The following EEPD1 variants were observed in gnomAD, a reference collection of about 807,000 sequenced individuals.
The protein encoded by EEPD1 is endonuclease/exonuclease/phosphatase family domain containing 1.
EEPD1 carries 17 observed loss-of-function variants against 46.3 expected under a neutral mutation model. The ratio of observed to expected loss-of-function variants is 0.37; its 90% CI spans 0.25 to 0.55. The LOEUF (loss-of-function observed/expected upper bound fraction) is 0.55. Among genes scored for constraint, EEPD1 ranks in the 20% least tolerant of loss-of-function variants. The probability of loss-of-function intolerance (pLI) is 0.83; values close to 1 mark genes in which losing one functional copy is unlikely to be tolerated. For missense variants in EEPD1, 673 were observed against 745.6 expected (o/e 0.90, Z 1.13); for synonymous variants, 313 against 315.6 (o/e 0.99, Z 0.09).
At chr7:36,166,742 A>G (rs891956375) in intron 2 of EEPD1, among the ~76,000 whole-genome samples, 3 of 152,234 alleles carry the variant, frequency 2.0e-5, no homozygotes, top group South Asian at 4.1e-4. Flanking sequence ...TTAAGATTAT[A>G]TATTTAAATA....
chr7:36,285,344 A>G (rs1787327325), intron 5 of EEPD1, among the ~76,000 whole-genome samples: 1 of 152,088 alleles, frequency 6.6e-6, no homozygotes, highest in African/African-American at 2.4e-5. Flanking sequence ...CTTTATTACC[A>G]GGGAGAAAGG....
intron 2 of EEPD1, among the ~76,000 whole-genome samples, chr7:36,156,832 G>A (rs572290379): frequency 6.6e-6 from 1 of 152,294 alleles, no homozygotes; most frequent in East Asian, 1.9e-4. Context: ...TAGGTGTTAG[G>A]CAATCAGCTG....
At chr7:36,245,398 A>G (rs1247653384) in intron 3 of EEPD1, among the ~76,000 whole-genome samples, 2 of 152,134 alleles carry the variant, frequency 1.3e-5, no homozygotes, top group Non-Finnish European at 2.9e-5. Context: ...CCATCAAATC[A>G]CGTGTTCTGG....
chr7:36,196,781 G>C (rs923170213), intron 2 of EEPD1, among the ~76,000 whole-genome samples: 1 of 152,312 alleles, frequency 6.6e-6, no homozygotes, highest in East Asian at 1.9e-4. Context: ...CCTCCCAGCC[G>C]CCTGCCTTGG....
At chr7:36,287,389 C>T (rs370917919) in intron 5 of EEPD1, among the ~76,000 whole-genome samples, 1 of 151,942 alleles carries the variant, frequency 6.6e-6, no homozygotes, top group Non-Finnish European at 1.5e-5. Flanking sequence ...ATCTTTTAGG[C>T]TCTAAGTGAG....
rs925843198 is a variant in EEPD1 at position 36,301,423 on chromosome 7, C to T, written c.*2217C>T. 3 of 152,172 alleles carry T rather than the reference C, an allele frequency of 2.0e-5. No individual in the cohort carries two copies. The South Asian group carries it at 6.2e-4, about 31-fold the overall frequency. 9.4% of individuals were successfully genotyped at this position (152,172 alleles called of 1,614,324 possible). A position where few individuals can be genotyped will look rare whatever the true frequency, so the allele number is the denominator to read the frequency against. On this transcript the variant is annotated 3_prime_UTR_variant, in exon 8 of 8. Coordinates refer to ENST00000242108, the MANE Select transcript of EEPD1 (RefSeq NM_030636.3). ...ATCCCTCCTCTTCTTTGCATATTTC[C>T]CCCTCTAATTAGCATGTTGCATTAG... is the stretch of plus-strand genomic sequence containing the variant.
chr7:36,271,720 C>CTTCGAGGGTTTTT (rs60503175), intron 3 of EEPD1, among the ~76,000 whole-genome samples: 1 of 55,332 alleles, frequency 1.8e-5, no homozygotes, highest in Non-Finnish European at 4.0e-5. Flanking sequence ...CCTAGGTTTT[C>CTTCGAGGGTTTTT]ATGGTTTTAG....
intron 2 of EEPD1, among the ~76,000 whole-genome samples, chr7:36,216,761 G>A (rs1786035612): frequency 6.6e-6 from 1 of 152,162 alleles, no homozygotes; most frequent in South Asian, 2.1e-4. Flanking sequence ...GAGGTCATAT[G>A]ACAATGAATA....
At chr7:36,233,584 C>T (rs1786375180) in intron 2 of EEPD1, among the ~76,000 whole-genome samples, 3 of 152,078 alleles carry the variant, frequency 2.0e-5, no homozygotes, top group Admixed American at 2.0e-4. Context: ...AAAAGCACCC[C>T]GATATACTCA....
At chr7:36,158,414 CAAAGGG>C (rs1249173182) in intron 2 of EEPD1, among the ~76,000 whole-genome samples, 1 of 152,182 alleles carries the variant, frequency 6.6e-6, no homozygotes, top group Non-Finnish European at 1.5e-5. Context: ...AGTTCCTTTG[CAAAGGG>C]AATAGCTGGC....
intron 2 of EEPD1, among the ~76,000 whole-genome samples, chr7:36,223,126 G>T (rs1218483499): frequency 6.6e-6 from 1 of 151,442 alleles, no homozygotes; most frequent in East Asian, 1.9e-4. Flanking sequence ...ACTCCAACCT[G>T]GGCGACAGAG....
At chr7:36,222,021 G>A (rs1013168110) in intron 2 of EEPD1, among the ~76,000 whole-genome samples, 7 of 152,086 alleles carry the variant, frequency 4.6e-5, no homozygotes, top group African/African-American at 1.4e-4. Flanking sequence ...ATTATATAGT[G>A]GCATTTATTT....
intron 3 of EEPD1, among the ~76,000 whole-genome samples, chr7:36,240,071 C>A (rs573301414): frequency 6.6e-6 from 1 of 152,244 alleles, no homozygotes; most frequent in South Asian, 2.1e-4. Context: ...GAGTTTGAGA[C>A]CAGCCTGGGC....
At chr7:36,198,937 G>C (rs967449157) in intron 2 of EEPD1, among the ~76,000 whole-genome samples, 1 of 152,022 alleles carries the variant, frequency 6.6e-6, no homozygotes, top group Non-Finnish European at 1.5e-5. Flanking sequence ...TAGATATGCA[G>C]ACAGCCCTCT....
chr7:36,211,308 A>G (rs1240542447), intron 2 of EEPD1, among the ~76,000 whole-genome samples: 1 of 152,238 alleles, frequency 6.6e-6, no homozygotes, highest in Non-Finnish European at 1.5e-5. Context: ...GTGTCTGAGT[A>G]GAGATACAGA....
chr7:36,245,041 G>A (rs555819120), intron 3 of EEPD1, among the ~76,000 whole-genome samples: 203 of 152,086 alleles, frequency 1.3e-3, no homozygotes, highest in African/African-American at 4.8e-3. Context: ...CACCTCCCAG[G>A]TGCAAGCAAT....
At chr7:36,198,362 AG>A (rs1785650149) in intron 2 of EEPD1, among the ~76,000 whole-genome samples, 2 of 135,764 alleles carry the variant, frequency 1.5e-5, no homozygotes, top group South Asian at 2.4e-4. Flanking sequence ...AAAAAAAGAA[AG>A]ATATTTTCCT....
At chr7:36,231,639 G>GT (rs1483171843) in intron 2 of EEPD1, among the ~76,000 whole-genome samples, 1 of 152,176 alleles carries the variant, frequency 6.6e-6, no homozygotes, top group Non-Finnish European at 1.5e-5. Context: ...GGAACTGTGT[G>GT]TTCATCTTGT....
intron 2 of EEPD1, among the ~76,000 whole-genome samples, chr7:36,212,736 CAT>C (rs1785957366): frequency 6.6e-6 from 1 of 151,636 alleles, no homozygotes; most frequent in Non-Finnish European, 1.5e-5. Context: ...CACAAAGACA[CAT>C]GTACATGTAG....
Sources: allele counts gnomAD v4.1 joint callset (sites outside exome capture counted in the v4.1 genomes callset), GRCh38; gene constraint gnomAD v4.1.1; transcripts MANE v1.5; gene names NCBI Gene and HGNC (gene_info 2026-07-23, HGNC 2026-07-21).